The following HCRTR2 variants were observed in gnomAD, a reference collection of about 807,000 sequenced individuals.
The protein encoded by HCRTR2 is hypocretin receptor 2.
Under a neutral mutation model 49.0 loss-of-function variants are expected in HCRTR2, and 22 were observed. The ratio of observed to expected loss-of-function variants is 0.45; its 90% CI spans 0.32 to 0.64. HCRTR2 has a LOEUF of 0.64. Among genes scored for constraint, HCRTR2 ranks in the 30% least tolerant of loss-of-function variants. HCRTR2 has a pLI of 0.04. For synonymous variants in HCRTR2, 236 were observed against 205.3 expected (o/e 1.15, Z -1.28); for missense variants, 491 against 559.4 (o/e 0.88, Z 1.23).
chr6:55,160,712 C>A (rs1764793599), intron 1 of HCRTR2, among the ~76,000 whole-genome samples: 1 of 152,024 alleles, frequency 6.6e-6, no homozygotes, highest in Non-Finnish European at 1.5e-5. Context: ...AGACTTCAAA[C>A]CAACAAAGAT....
chr6:55,191,990 GT>G (rs1297375321), intron 1 of HCRTR2, among the ~76,000 whole-genome samples: 1 of 152,078 alleles, frequency 6.6e-6, no homozygotes. Flanking sequence ...GCTATAGTAG[GT>G]TAGAGATGAG....
chr6:55,171,491 T>A (rs1200253414), upstream of HCRTR2, among the ~76,000 whole-genome samples: 1 of 152,102 alleles, frequency 6.6e-6, no homozygotes, highest in East Asian at 1.9e-4. Flanking sequence ...TATCAAAAGA[T>A]CTAAGGAAGA....
chr6:55,239,099 A>G (rs1377376185), intron 1 of HCRTR2, among the ~76,000 whole-genome samples: 1 of 152,218 alleles, frequency 6.6e-6, no homozygotes, highest in Non-Finnish European at 1.5e-5. Context: ...TGGGTGACCA[A>G]AAGGTTGTCA....
chr6:55,160,585 A>C (rs1045744159), intron 1 of HCRTR2, among the ~76,000 whole-genome samples: 3 of 152,168 alleles, frequency 2.0e-5, no homozygotes, highest in Admixed American at 2.0e-4. Flanking sequence ...TGTATTCAGG[A>C]GTCCAATTCA....
At chr6:55,203,584 T>C (rs1198413462) in intron 1 of HCRTR2, among the ~76,000 whole-genome samples, 2 of 152,070 alleles carry the variant, frequency 1.3e-5, no homozygotes, top group Non-Finnish European at 2.9e-5. Context: ...GGAAGAGGTG[T>C]TATGGAGTAC....
intron 1 of HCRTR2, among the ~76,000 whole-genome samples, chr6:55,122,399 C>T (rs1025560666): frequency 6.6e-6 from 1 of 152,002 alleles, no homozygotes. Flanking sequence ...TTTTGTTTAT[C>T]TTTTCAAAAA....
At chr6:55,215,231 G>A (rs1765766676) in intron 1 of HCRTR2, among the ~76,000 whole-genome samples, 2 of 152,238 alleles carry the variant, frequency 1.3e-5, no homozygotes, top group Admixed American at 6.5e-5. Context: ...GAGAATATCA[G>A]CAGATTTCTC....
At chr6:55,153,807 A>T (rs908639845) in intron 1 of HCRTR2, among the ~76,000 whole-genome samples, 1 of 151,904 alleles carries the variant, frequency 6.6e-6, no homozygotes, top group African/African-American at 2.4e-5. Context: ...GATCAAAAAT[A>T]AATAATATAG....
At chr6:55,146,623 T>C (rs1764584294) in intron 1 of HCRTR2, among the ~76,000 whole-genome samples, 1 of 151,892 alleles carries the variant, frequency 6.6e-6, no homozygotes, top group Admixed American at 6.6e-5. Context: ...AAGATGACTG[T>C]TACAACCATG....
At chr6:55,218,171 T>C (rs1765824576) in intron 1 of HCRTR2, among the ~76,000 whole-genome samples, 1 of 152,176 alleles carries the variant, frequency 6.6e-6, no homozygotes, top group Admixed American at 6.5e-5. Flanking sequence ...CATGAGTAAA[T>C]TAATCTATTC....
intron 1 of HCRTR2, among the ~76,000 whole-genome samples, chr6:55,196,975 C>A (rs775834458): frequency 2.0e-5 from 3 of 152,140 alleles, no homozygotes; most frequent in Non-Finnish European, 4.4e-5. Context: ...AACACTAACA[C>A]TAAACCCAAT....
rs527332564 is a variant in HCRTR2 at position 55,123,003 on chromosome 6, A to T, written c.-378+16458A>T. 1.4e-3 allele frequency among the ~76,000 whole-genome samples: 209 copies of T among 151,660 alleles called. 3 individuals carry two copies. In the Middle Eastern group the frequency reaches 0.024, roughly 18 times the overall value. ...GAGGGGGAAGGGATAGCATTAGGAG[A>T]TATACCTAAAGTAAATGAGGAGTTA... On this transcript the variant is annotated intron_variant, in intron 1 of 7. Coordinates refer to the HCRTR2 transcript ENST00000615358.
At chr6:55,186,090 G>A (rs530529374) in intron 1 of HCRTR2, among the ~76,000 whole-genome samples, 1 of 152,214 alleles carries the variant, frequency 6.6e-6, no homozygotes, top group Admixed American at 6.5e-5. Context: ...TTAATTTATT[G>A]TTCATTTTTC....
intron 1 of HCRTR2, among the ~76,000 whole-genome samples, chr6:55,161,632 A>G (rs1487457854): frequency 6.6e-6 from 1 of 151,852 alleles, no homozygotes; most frequent in East Asian, 1.9e-4. Flanking sequence ...TAGACACAAT[A>G]AAAAATGATA....
Position 55,239,906 on chromosome 6 carries a change from T to C in HCRTR2, c.224-8733T>C, listed in dbSNP as rs1766290472. Among the ~76,000 whole-genome samples, 3 of 150,516 alleles carry C rather than the reference T, an allele frequency of 2.0e-5. No homozygotes were observed. In the South Asian group the frequency reaches 6.3e-4, roughly 32 times the overall value. On this transcript the variant is annotated intron_variant, in intron 1 of 6. Coordinates refer to ENST00000370862, the MANE Select transcript of HCRTR2 (RefSeq NM_001384272.1). ...GATTCTCCCGCCTTAGCCTCCGGAG[T>C]AGCTGGGATTACAGGCGCATACCAC...
chr6:55,130,612 A>G (rs1764342483), intron 1 of HCRTR2, among the ~76,000 whole-genome samples: 1 of 151,870 alleles, frequency 6.6e-6, no homozygotes, highest in Non-Finnish European at 1.5e-5. Flanking sequence ...TCTACTTACA[A>G]TATTTCAATA....
intron 1 of HCRTR2, among the ~76,000 whole-genome samples, chr6:55,177,877 G>A (rs1182228741): frequency 4.6e-5 from 7 of 152,138 alleles, no homozygotes; most frequent in Admixed American, 4.6e-4. Flanking sequence ...AATGTTATGA[G>A]TATTTACATT....
intron 1 of HCRTR2, among the ~76,000 whole-genome samples, chr6:55,124,792 C>T (rs1178104320): frequency 3.3e-5 from 5 of 152,044 alleles, no homozygotes; most frequent in Admixed American, 6.6e-5. Flanking sequence ...TCTGTTTGCT[C>T]CTGTATTTGA....
chr6:55,245,504 T>TATATATA (rs1562020390), intron 1 of HCRTR2, among the ~76,000 whole-genome samples: 1 of 106,768 alleles, frequency 9.4e-6, no homozygotes, highest in Admixed American at 8.9e-5. Context: ...TATATATATA[T>TATATATA]ATCTTCCCCA....
Sources: gnomAD v4.1 joint callset for allele counts (sites outside exome capture counted in the v4.1 genomes callset) on GRCh38, gnomAD v4.1.1 for gene constraint, MANE v1.5 for transcripts, NCBI Gene and HGNC (gene_info 2026-07-23, HGNC 2026-07-21) for gene names.